The following LRRC4C variants were observed in gnomAD, a reference collection of about 807,000 sequenced individuals.
LRRC4C encodes leucine-rich repeat-containing protein 4C.
A neutral mutation model predicts 33.6 loss-of-function variants in LRRC4C; 5 were observed. The ratio of observed to expected loss-of-function variants is 0.15; its 90% CI spans 0.08 to 0.31. The LOEUF is 0.31. Ranked by LOEUF, LRRC4C falls within the 10% of genes least tolerant of loss-of-function variation. LRRC4C has a pLI of 1.00. For missense variants in LRRC4C, 560 were observed against 796.7 expected, an observed-to-expected ratio of 0.70 and a Z score of 3.58; for synonymous variants, 329 against 302.0, an observed-to-expected ratio of 1.09 and a Z score of -0.93.
At chr11:41,432,407 C>T (rs764234250) in intron 1 of LRRC4C, among the ~76,000 whole-genome samples, 1 of 152,066 alleles carries the variant, frequency 6.6e-6, no homozygotes, top group Non-Finnish European at 1.5e-5. Context: ...AGAGTAGAAG[C>T]TGACAAATCT....
At chr11:40,370,179 A>T (rs1187442123) in intron 3 of LRRC4C, among the ~76,000 whole-genome samples, 1 of 152,102 alleles carries the variant, frequency 6.6e-6, no homozygotes, top group Non-Finnish European at 1.5e-5. Flanking sequence ...TGAATTCAAC[A>T]CCTGTGAAGA....
intron 2 of LRRC4C, among the ~76,000 whole-genome samples, chr11:40,845,868 C>T (rs559478281): frequency 8.5e-5 from 13 of 152,282 alleles, no homozygotes; most frequent in African/African-American, 2.6e-4. Context: ...TTAATCATGG[C>T]CAATCTAACT....
At chr11:41,047,615 A>G (rs1254308746) in intron 1 of LRRC4C, among the ~76,000 whole-genome samples, 1 of 152,174 alleles carries the variant, frequency 6.6e-6, no homozygotes, top group Non-Finnish European at 1.5e-5. Flanking sequence ...GATTACCTTA[A>G]CTGTTTCAAG....
intron 1 of LRRC4C, among the ~76,000 whole-genome samples, chr11:41,285,158 C>A (rs1162617487): frequency 2.0e-5 from 3 of 152,098 alleles, no homozygotes; most frequent in Admixed American, 1.3e-4. Flanking sequence ...ACACAATGAA[C>A]CCCATAATAA....
At chr11:40,817,591 A>G (rs1292712546) in intron 2 of LRRC4C, among the ~76,000 whole-genome samples, 1 of 152,090 alleles carries the variant, frequency 6.6e-6, no homozygotes, top group Non-Finnish European at 1.5e-5. Context: ...TCCCACTCCC[A>G]TCCAAATTTT....
chr11:41,202,468 T>A (rs892854630), intron 1 of LRRC4C, among the ~76,000 whole-genome samples: 1 of 152,216 alleles, frequency 6.6e-6, no homozygotes, highest in Non-Finnish European at 1.5e-5. Flanking sequence ...TATTGAGTAT[T>A]CTCTATATAT....
chr11:41,434,243 C>A (rs977728166), intron 1 of LRRC4C, among the ~76,000 whole-genome samples: 1 of 152,108 alleles, frequency 6.6e-6, no homozygotes, highest in African/African-American at 2.4e-5. Flanking sequence ...GGTTTCCTCT[C>A]ACTCTGAAAC....
At position 41,377,770 on chromosome 11, in the gene LRRC4C, G is replaced by A. The variant is rs542623128; in HGVS notation, c.-496+81661C>T. On this transcript the variant is annotated intron_variant, in intron 1 of 6. Coordinates refer to ENST00000528697, the MANE Select transcript of LRRC4C (RefSeq NM_001258419.2). ...ATTTTTGCCTTGGTGTGGCCTACTG[G>A]GGACCAAACAACTATTACAGTCAAG... Among the ~76,000 whole-genome samples, 5 of 152,200 alleles carry A rather than the reference G, an allele frequency of 3.3e-5. No homozygotes were observed. In the South Asian group the frequency reaches 1.0e-3, roughly 32 times the overall value.
chr11:41,076,310 C>A (rs909209332), intron 1 of LRRC4C, among the ~76,000 whole-genome samples: 3 of 152,124 alleles, frequency 2.0e-5, no homozygotes, highest in African/African-American at 7.2e-5. Flanking sequence ...TCAAGTATTG[C>A]CAGATGTATT....
At chr11:40,696,599 G>A (rs1278470426) in intron 2 of LRRC4C, among the ~76,000 whole-genome samples, 2 of 149,464 alleles carry the variant, frequency 1.3e-5, no homozygotes, top group East Asian at 3.9e-4. Context: ...CAAGTTCCAA[G>A]TGCCACAAGG....
At chr11:41,428,499 T>G (rs927094574) in intron 1 of LRRC4C, among the ~76,000 whole-genome samples, 2 of 152,154 alleles carry the variant, frequency 1.3e-5, no homozygotes, top group South Asian at 4.1e-4. Context: ...AGTTTCAACT[T>G]TCTGCCTAAC....
intron 2 of LRRC4C, among the ~76,000 whole-genome samples, chr11:40,669,280 AAAG>A (rs1943963846): frequency 6.6e-6 from 1 of 152,218 alleles, no homozygotes; most frequent in South Asian, 2.1e-4. Context: ...AAACACAAGT[AAAG>A]AAGTTTCTAT....
Position 40,385,892 on chromosome 11 carries a change from A to AAATAAATAAATAAAT in LRRC4C, c.-269-66172_-269-66171insATTTATTTATTTATT, listed in dbSNP as rs141949687. On this transcript the variant is annotated intron_variant, in intron 3 of 6. Coordinates refer to ENST00000528697, the MANE Select transcript of LRRC4C (RefSeq NM_001258419.2). ...TAAATAAATAAATAAATAAATAAAT[A>AAATAAATAAATAAAT]AAATAAAATAAAATAAAAAAATAAA... 8.2e-4 allele frequency among the ~76,000 whole-genome samples: 96 copies of AAATAAATAAATAAAT among 116,766 alleles called. 1 individual carries two copies. Among genetic ancestry groups the AAATAAATAAATAAAT allele is most frequent in the Admixed American group, 1.4e-3 (17 of 12,200 alleles). 76.6% of individuals were successfully genotyped at this position (116,766 alleles called of 152,430 possible). A position where few individuals can be genotyped will look rare whatever the true frequency, so the allele number is the denominator to read the frequency against.
chr11:40,796,793 T>C (rs1950850472), intron 2 of LRRC4C, among the ~76,000 whole-genome samples: 1 of 151,956 alleles, frequency 6.6e-6, no homozygotes. Flanking sequence ...ATTACAGGCA[T>C]GCACCACGAT....
At chr11:40,135,684 C>A (rs531808014) in intron 6 of LRRC4C, among the ~76,000 whole-genome samples, 20 of 152,152 alleles carry the variant, frequency 1.3e-4, no homozygotes, top group African/African-American at 4.6e-4. Flanking sequence ...TGTCTTTATT[C>A]TTGAAAGGAT....
chr11:40,858,079 T>A (rs1953889625), intron 2 of LRRC4C, among the ~76,000 whole-genome samples: 2 of 150,626 alleles, frequency 1.3e-5, no homozygotes, highest in African/African-American at 2.4e-5. Flanking sequence ...CACTACCCAA[T>A]GTGTTAACTA....
chr11:41,201,835 C>A (rs1946408800), intron 1 of LRRC4C, among the ~76,000 whole-genome samples: 1 of 151,988 alleles, frequency 6.6e-6, no homozygotes, highest in South Asian at 2.1e-4. Context: ...TGCTTACATG[C>A]ATTTTTAGGG....
At chr11:41,028,834 T>C (rs1250845415) in intron 1 of LRRC4C, among the ~76,000 whole-genome samples, 6 of 151,754 alleles carry the variant, frequency 4.0e-5, no homozygotes. Context: ...TGAAACAAGA[T>C]ATTATTTTCC....
In LRRC4C at chr11:40,130,924, G is replaced by A. The variant is rs76333184; in HGVS notation, c.-43+9877C>T. On this transcript the variant is annotated intron_variant, in intron 6 of 6. Coordinates refer to ENST00000528697, the MANE Select transcript of LRRC4C (RefSeq NM_001258419.2). The stretch of plus-strand genomic sequence containing the variant: ...ACCCAGTCAGAGCCAATTTTACAAT[G>A]GCTCTTTCTACTAGGCTGTCATCAG... 1.1e-3 allele frequency among the ~76,000 whole-genome samples: 163 copies of A among 152,096 alleles called. 3 individuals are homozygous for A. In the East Asian group the frequency reaches 0.028, roughly 26 times the overall value.
Sources: gnomAD v4.1 joint callset for allele counts (sites outside exome capture counted in the v4.1 genomes callset) on GRCh38, gnomAD v4.1.1 for gene constraint, MANE v1.5 for transcripts, NCBI Gene and HGNC (gene_info 2026-07-23, HGNC 2026-07-21) for gene names.